PCDH8: variants seen among roughly 807,000 people sequenced by gnomAD.
PCDH8 encodes the protein protocadherin 8, also known as protocadherin-8.
Under a neutral mutation model 58.2 loss-of-function variants are expected in PCDH8, and 36 were observed. The ratio of observed to expected loss-of-function variants is 0.62; its 90% CI spans 0.47 to 0.82. The LOEUF is 0.82. PCDH8 is among the 40% of genes least tolerant of loss of function. The pLI is 0.00. For synonymous variants in PCDH8, 775 were observed against 728.9 expected, an observed-to-expected ratio of 1.06 and a Z score of -1.02; for missense variants, 1,493 against 1,567.8, an observed-to-expected ratio of 0.95 and a Z score of 0.81.
chr13:52,846,026 G>T lies in PCDH8; in HGVS notation c.2411C>A (p.Ser804Tyr), dbSNP rs745871248. The change falls in exon 1 of 3, where the codon TCC becomes TAC. Residue 804 changes from serine (S) to tyrosine (Y), a missense_variant. Physicochemically the swap from Ser to Tyr is moderately radical, Grantham distance 144. Around this residue, in one of 3 missense-constraint regions of PCDH8, gnomAD observed 1,307 missense variants for 1,362.7 expected, o/e 0.96. Coordinates refer to ENST00000377942, the MANE Select transcript of PCDH8 (RefSeq NM_002590.4). Reference sequence around the variant, plus strand: ...GGCTCCCCGGGCGGCCTCCTCCGGGGAGCCGGGAGCCGAGGCTCCGCCGCC... The same window carrying T: ...GGCTCCCCGGGCGGCCTCCTCCGGGTAGCCGGGAGCCGAGGCTCCGCCGCC... ...AAGGGASAPG[S>Y]PEEAARGAGP... is the part of the protein sequence containing the mutation. 1.3e-6 allele frequency: 2 copies of T among 1,484,102 alleles called. No homozygotes were observed. The highest frequency in any genetic ancestry group is 2.7e-5 in the South Asian group (2 of 74,690). 91.9% of individuals were successfully genotyped at this position (1,484,102 alleles called of 1,614,324 possible).
In PCDH8 at chr13:52,846,154, C is replaced by T; in HGVS notation, c.2283G>A (p.Thr761=). ...TGGCGATGATGGCGGCCAGCAGCAG[C>T]GTGCAGCTCCCGGCCAGCACGATGA... ...IVIIVLAGSC[T]LLLAAIIAIA... The change falls in exon 1 of 3, where the codon ACG becomes ACA. Residue 761 remains threonine, a synonymous_variant. Transcript: ENST00000377942. 1 of 1,584,302 alleles carries T rather than the reference C, an allele frequency of 6.3e-7. No individual in the cohort carries two copies. The highest frequency in any genetic ancestry group is 8.5e-7 in the Non-Finnish European group (1 of 1,173,376).
In PCDH8 at chr13:52,848,338, T is replaced by G. The variant is rs535413739; in HGVS notation, c.99A>C (p.Arg33=). The G allele has an allele frequency of 1.2e-6, 2 of 1,613,170 alleles. No individual in the cohort carries two copies. The highest frequency in any genetic ancestry group is 1.7e-6 in the Non-Finnish European group (2 of 1,180,036). Reference sequence around the variant, plus strand: ...GGGCATCCTCCTCGAAGGTGCTGTATCGGACTGTTTTGCTCTGGGCCACTG... The same window carrying G: ...GGGCATCCTCCTCGAAGGTGCTGTAGCGGACTGTTTTGCTCTGGGCCACTG... ...VLSVAQSKTV[R]YSTFEEDAPG... The change falls in exon 1 of 3, where the codon CGA becomes CGC. Residue 33 remains arginine, a synonymous_variant. Transcript: ENST00000377942.
Position 52,845,437 on chromosome 13 carries a change from G to A in PCDH8, c.2827C>T (p.His943Tyr). 6.2e-7 allele frequency: 1 copy of A among 1,614,152 alleles called. No individual in the cohort carries two copies. The highest frequency in any genetic ancestry group is 8.5e-7 in the Non-Finnish European group (1 of 1,179,994). Residue 943 changes from histidine to tyrosine, a missense_variant, in exon 2 of 3, where the codon CAC (histidine) becomes TAC (tyrosine). This residue lies in a region of PCDH8 where 182 missense variants were observed against 178.9 expected (regional missense o/e 1.02). Coordinates refer to ENST00000377942, the MANE Select transcript of PCDH8 (RefSeq NM_002590.4). ...GDALKKDLINHMQSGLWACTA... is the reference protein window; with the variant it reads ...GDALKKDLINYMQSGLWACTA... The stretch of plus-strand genomic sequence containing the variant: ...GAAGAGTCCTCACCACTCTGCATGT[G>A]GTTGATGAGATCCTTTTTCAGAGCG...
In PCDH8 at chr13:52,847,758, C is replaced by T. The variant is rs770517657; in HGVS notation, c.679G>A (p.Ala227Thr). The T allele has an allele frequency of 1.0e-4, 150 of 1,465,010 alleles. No homozygotes were observed. The highest frequency in any genetic ancestry group is 1.4e-4 in the South Asian group (10 of 71,650). 90.8% of individuals were successfully genotyped at this position (1,465,010 alleles called of 1,614,324 possible). A position where few individuals can be genotyped will look rare whatever the true frequency, so the allele number is the denominator to read the frequency against. ...ACGCGCACGCTGAGGGCAGCCGTGG[C>T]GGAGCGCGGCGGGCGGCCGCCGTCC... is the stretch of plus-strand genomic sequence containing the variant. ...AQDGGRPPRS[A>T]TAALSVRVLD... Residue 227 changes from alanine (A) to threonine (T), a missense_variant, in exon 1 of 3, where the codon GCC becomes ACC. By Grantham distance (58) the Ala-to-Thr change is moderately conservative. This residue lies in a region of PCDH8 where 1,307 missense variants were observed against 1,362.7 expected (regional missense o/e 0.96). Coordinates refer to ENST00000377942, the MANE Select transcript of PCDH8 (RefSeq NM_002590.4).
chr13:52,847,462 C>G lies in PCDH8; in HGVS notation c.975G>C (p.Arg325=), dbSNP rs755375249. The G allele has an allele frequency of 1.3e-6, 2 of 1,591,204 alleles. No homozygotes were observed. Among genetic ancestry groups the G allele is most frequent in the African/African-American group, 1.4e-5 (1 of 72,616 alleles). ...ERQDTYELDV[R]AQDRGPGPRA... is the part of the protein sequence containing the mutation. ...GGGGCCCGGGTCCGCGGTCCTGCGC[C>G]CGCACGTCCAGCTCGTAGGTGTCCT... Residue 325 remains arginine, a synonymous_variant, in exon 1 of 3, where the codon CGG becomes CGC. Transcript: ENST00000377942.
rs1034299535 is a variant in PCDH8 at position 52,844,251 on chromosome 13, A to C, written c.*309T>G. 5.7e-6 allele frequency: 1 copy of C among 175,726 alleles called. No individual in the cohort carries two copies. The highest frequency in any genetic ancestry group is 1.2e-5 in the Non-Finnish European group (1 of 84,112). 10.9% of individuals were successfully genotyped at this position (175,726 alleles called of 1,614,324 possible). ...CTTTTATTATATAAAAATATAACAA[A>C]ATTTCATTATATACAAACATTACAT... is the stretch of plus-strand genomic sequence containing the variant. On this transcript the variant is annotated 3_prime_UTR_variant, in exon 3 of 3. Transcript: ENST00000377942.
chr13:52,845,775 A>T, intron 1 of PCDH8, 31 bp downstream of exon 1: 1 of 1,497,564 alleles, frequency 6.7e-7, no homozygotes, highest in Non-Finnish European at 8.8e-7. Context: ...CGGAGCTCGG[A>T]GGGGGGCGCC....
chr13:52,845,407 G>A lies in PCDH8; in HGVS notation c.2839+18C>T. On this transcript the variant is annotated intron_variant, in intron 2 of 2. Transcript: ENST00000377942. The stretch of plus-strand genomic sequence containing the variant: ...GAAGGGAGGAATGCCGAATTTGGCG[G>A]GAAAGAAGAGTCCTCACCACTCTGC... The A allele has an allele frequency of 6.2e-7, 1 of 1,612,376 alleles. No individual in the cohort carries two copies. Among genetic ancestry groups the A allele is most frequent in the Non-Finnish European group, 8.5e-7 (1 of 1,178,410 alleles).
At position 52,843,231 on chromosome 13, in the gene PCDH8, A is replaced by C. The variant is rs1965686661; in HGVS notation, c.*1329T>G. The C allele has an allele frequency of 6.6e-6, 1 of 152,190 alleles. No homozygotes were observed. The highest frequency in any genetic ancestry group is 1.5e-5 in the Non-Finnish European group (1 of 68,030). The allele number at this position is 152,190 out of a possible 1,614,324, so 9.4% of individuals were successfully genotyped here. On this transcript the variant is annotated 3_prime_UTR_variant, in exon 3 of 3. Transcript: ENST00000377942. ...TGAGTGTCTTTTTTTAAGACTTTCC[A>C]TTATGTACATTTTCAAACACAAACA...
At position 52,846,403 on chromosome 13, in the gene PCDH8, C is replaced by T; in HGVS notation, c.2034G>A (p.Ser678=). The T allele has an allele frequency of 6.3e-7, 1 of 1,594,708 alleles. No individual in the cohort carries two copies. Residue 678 remains serine, a synonymous_variant, in exon 1 of 3, where the codon TCG becomes TCA. Coordinates refer to ENST00000377942, the MANE Select transcript of PCDH8 (RefSeq NM_002590.4). ...TGEILLTGDL[S]QEPPGRVFRA... ...TGAACACGCGACCGGGTGGCTCCTGCGAGAGGTCGCCGGTGAGCAGTATCT... is the reference window on the plus strand; with the variant it reads ...TGAACACGCGACCGGGTGGCTCCTGTGAGAGGTCGCCGGTGAGCAGTATCT...
chr13:52,846,898 G>T lies in PCDH8; in HGVS notation c.1539C>A (p.Gly513=), dbSNP rs376417331. The change falls in exon 1 of 3, where the codon GGC becomes GGA. Residue 513 remains glycine, a synonymous_variant. Transcript: ENST00000377942. Reference sequence around the variant, plus strand: ...GGGCGGCCACCGTGGCCAGGTAGGCGCCTGGCGGGTTGTTCTCGCGCACCG... The same window carrying T: ...GGGCGGCCACCGTGGCCAGGTAGGCTCCTGGCGGGTTGTTCTCGCGCACCG... The part of the protein sequence containing the change: ...EVSVRENNPP[G]AYLATVAARD... The T allele has an allele frequency of 2.5e-6, 4 of 1,574,374 alleles. No homozygotes were observed. The highest frequency in any genetic ancestry group is 1.7e-6 in the Non-Finnish European group (2 of 1,163,826).
chr13:52,845,787 A>G lies in PCDH8; in HGVS notation c.2631+19T>C. 7 of 1,496,264 alleles carry G rather than the reference A, an allele frequency of 4.7e-6. No individual in the cohort carries two copies. The highest frequency in any genetic ancestry group is 6.2e-6 in the Non-Finnish European group (7 of 1,130,472). The allele number at this position is 1,496,264 out of a possible 1,614,324, so 92.7% of individuals were successfully genotyped here. A position where few individuals can be genotyped will look rare whatever the true frequency, so the allele number is the denominator to read the frequency against. On this transcript the variant is annotated intron_variant, in intron 1 of 2. Coordinates refer to ENST00000377942, the MANE Select transcript of PCDH8 (RefSeq NM_002590.4). The stretch of plus-strand genomic sequence containing the variant: ...CCGCGGAGCTCGGAGGGGGGCGCCC[A>G]GCCGAAGGAAGGCCTCACCTCGGCG...
In PCDH8 at chr13:52,848,594, G is replaced by GCGCGGACC; in HGVS notation, c.-166_-159dup. Reference sequence around the variant, plus strand: ...CGAGCCTCCAGCGGGCTCTGAGGACGCGCGGACCCGCCCTCACTCTGCGCC... The same window carrying GCGCGGACC: ...CGAGCCTCCAGCGGGCTCTGAGGACGCGCGGACCCGCGGACCCGCCCTCACTCTGCGCC... On this transcript the variant is annotated 5_prime_UTR_variant, in exon 1 of 3. Coordinates refer to ENST00000377942, the MANE Select transcript of PCDH8 (RefSeq NM_002590.4). 1 of 1,356,160 alleles carries GCGCGGACC rather than the reference G, an allele frequency of 7.4e-7. No individual in the cohort carries two copies. The highest frequency in any genetic ancestry group is 9.7e-7 in the Non-Finnish European group (1 of 1,034,762). The allele number at this position is 1,356,160 out of a possible 1,614,324, so 84.0% of individuals were successfully genotyped here. A position where few individuals can be genotyped will look rare whatever the true frequency, so the allele number is the denominator to read the frequency against.
chr13:52,846,755 A>G lies in PCDH8; in HGVS notation c.1682T>C (p.Ile561Thr). The change falls in exon 1 of 3, where the codon ATC (isoleucine) becomes ACC (threonine). Residue 561 changes from isoleucine to threonine, a missense_variant. Physicochemically the swap from Ile to Thr is moderately conservative, Grantham distance 89. Coordinates refer to ENST00000377942, the MANE Select transcript of PCDH8 (RefSeq NM_002590.4). The stretch of plus-strand genomic sequence containing the variant: ...ATAGTCGAAGCTGCGCAGCGCGTAG[A>G]TGGCTCCGGTAGCTGGGTCCACCGA... ...YVSVDPATGA[I>T]YALRSFDYET... 3 of 1,582,748 alleles carry G rather than the reference A, an allele frequency of 1.9e-6. No homozygotes were observed. The highest frequency in any genetic ancestry group is 2.6e-6 in the Non-Finnish European group (3 of 1,171,414).
chr13:52,846,127 G>A lies in PCDH8; in HGVS notation c.2310C>T (p.Ile770=), dbSNP rs1390630183. 1 of 1,581,694 alleles carries A rather than the reference G, an allele frequency of 6.3e-7. No individual in the cohort carries two copies. The highest frequency in any genetic ancestry group is 8.5e-7 in the Non-Finnish European group (1 of 1,171,530). The change falls in exon 1 of 3, where the codon ATC becomes ATT. Residue 770 remains isoleucine (I), a synonymous_variant. Coordinates refer to ENST00000377942, the MANE Select transcript of PCDH8 (RefSeq NM_002590.4). ...CTLLLAAIIA[I]ATTCNRRKKE... ...TCTTGCGGCGGTTGCAGGTGGTGGC[G>A]ATGGCGATGATGGCGGCCAGCAGCA...
Position 52,846,471 on chromosome 13 carries a change from G to C in PCDH8, c.1966C>G (p.Gln656Glu), listed in dbSNP as rs201946240. The stretch of plus-strand genomic sequence containing the variant: ...ATGGCGAAGGCTTCGCGCGGCTCCT[G>C]CTGCTGCAGCTCGAACGCCAGCTCC... Reference protein sequence around the residue: ...NGELAFELQQQEPREAFAIGR... With the variant: ...NGELAFELQQEEPREAFAIGR... Residue 656 changes from glutamine (Q) to glutamate (E), a missense_variant, in exon 1 of 3, where the codon CAG becomes GAG. By Grantham distance (29) the Gln-to-Glu change is conservative. This residue lies in a region of PCDH8 where 1,307 missense variants were observed against 1,362.7 expected (regional missense o/e 0.96). Transcript: ENST00000377942. 6.3e-7 allele frequency: 1 copy of C among 1,598,556 alleles called. No homozygotes were observed. The highest frequency in any genetic ancestry group is 1.3e-5 in the African/African-American group (1 of 75,008).
In PCDH8 at chr13:52,846,370, G is replaced by A; in HGVS notation, c.2067C>T (p.Leu689=). 1 of 1,586,208 alleles carries A rather than the reference G, an allele frequency of 6.3e-7. No homozygotes were observed. Among genetic ancestry groups the A allele is most frequent in the Non-Finnish European group, 8.6e-7 (1 of 1,168,684 alleles). The stretch of plus-strand genomic sequence containing the variant: ...GACGGCCGCCGTCGGATATGACCAG[G>A]AGCGCCCTGAACACGCGACCGGGTG... ...QEPPGRVFRA[L]LVISDGGRPP... The change falls in exon 1 of 3, where the codon CTC becomes CTT. Residue 689 remains leucine, a synonymous_variant. Transcript: ENST00000377942.
chr13:52,848,569 C>T lies in PCDH8; in HGVS notation c.-133G>A. 1 of 1,420,780 alleles carries T rather than the reference C, an allele frequency of 7.0e-7. No individual in the cohort carries two copies. The highest frequency in any genetic ancestry group is 9.2e-7 in the Non-Finnish European group (1 of 1,088,924). The allele number at this position is 1,420,780 out of a possible 1,614,324, so 88.0% of individuals were successfully genotyped here. ...GGGAGAAGTCTGCGGGTAGCAGCTCCGAGCCTCCAGCGGGCTCTGAGGACG... is the reference window on the plus strand; with the variant it reads ...GGGAGAAGTCTGCGGGTAGCAGCTCTGAGCCTCCAGCGGGCTCTGAGGACG... On this transcript the variant is annotated 5_prime_UTR_variant, in exon 1 of 3. Transcript: ENST00000377942.
Position 52,847,863 on chromosome 13 carries a change from C to G in PCDH8, c.574G>C (p.Ala192Pro), listed in dbSNP as rs1394597826. The G allele has an allele frequency of 6.6e-7, 1 of 1,513,304 alleles. No homozygotes were observed. Among genetic ancestry groups the G allele is most frequent in the Admixed American group, 2.1e-5 (1 of 48,320 alleles). The allele number at this position is 1,513,304 out of a possible 1,614,324, so 93.7% of individuals were successfully genotyped here. A position where few individuals can be genotyped will look rare whatever the true frequency, so the allele number is the denominator to read the frequency against. The change falls in exon 1 of 3, where the codon GCT (alanine) becomes CCT (proline). Residue 192 changes from alanine to proline, a missense_variant. Around this residue, in one of 3 missense-constraint regions of PCDH8, gnomAD observed 1,307 missense variants for 1,362.7 expected, o/e 0.96. Coordinates refer to ENST00000377942, the MANE Select transcript of PCDH8 (RefSeq NM_002590.4). ...RVELQTRADG[A>P]QCADLVLLQE... ...AGCAGCACCAGGTCTGCGCACTGAG[C>G]GCCGTCCGCTCGCGTCTGCAGCTCC...
Sources: allele counts gnomAD v4.1 joint callset, GRCh38; gene constraint gnomAD v4.1.1; regional missense constraint gnomAD v4.1.1; transcripts MANE v1.5; gene names NCBI Gene and HGNC (gene_info 2026-07-23, HGNC 2026-07-21).